The following CTNNA2 variants were observed in gnomAD, a reference collection of about 807,000 sequenced individuals.
CTNNA2 encodes catenin alpha 2.
A neutral mutation model predicts 101.0 loss-of-function variants in CTNNA2; 42 were observed. That is an observed-to-expected ratio of 0.42 (90% CI 0.32 to 0.54). CTNNA2 has a LOEUF of 0.54. CTNNA2 is among the 20% of genes least tolerant of loss of function. The pLI is 0.14. For synonymous variants in CTNNA2, 450 were observed against 456.4 expected, an observed-to-expected ratio of 0.99 and a Z score of 0.18; for missense variants, 871 against 1,223.1, an observed-to-expected ratio of 0.71 and a Z score of 4.29.
intron 7 of CTNNA2, among the ~76,000 whole-genome samples, chr2:80,213,828 A>C (rs1026631883): frequency 6.6e-6 from 1 of 152,148 alleles, no homozygotes; most frequent in African/African-American, 2.4e-5. Context: ...AAAGTCTCCC[A>C]TTATTATTAT....
intron 2 of CTNNA2, among the ~76,000 whole-genome samples, chr2:79,724,370 A>G (rs977696040): frequency 3.3e-5 from 5 of 151,820 alleles, no homozygotes; most frequent in East Asian, 1.9e-4. Flanking sequence ...ATTCCAGGAG[A>G]TGTGTTCATT....
chr2:79,286,014 T>C (rs1675566197), intron 2 of CTNNA2, among the ~76,000 whole-genome samples: 1 of 150,534 alleles, frequency 6.6e-6, no homozygotes, highest in Admixed American at 6.6e-5. Context: ...TGTAATGGCC[T>C]TCTTTGTCTC....
chr2:80,403,828 A>G (rs1678805912), intron 8 of CTNNA2, among the ~76,000 whole-genome samples: 1 of 152,178 alleles, frequency 6.6e-6, no homozygotes, highest in African/African-American at 2.4e-5. Flanking sequence ...AGGGATGTTG[A>G]ATTTTGTCGA....
At chr2:79,999,609 TAAAC>T (rs767625092) in intron 7 of CTNNA2, among the ~76,000 whole-genome samples, 52 of 152,312 alleles carry the variant, frequency 3.4e-4, no homozygotes, top group Non-Finnish European at 5.4e-4. Flanking sequence ...TTTAATTCTG[TAAAC>T]AAACCTGTGC....
intron 17 of CTNNA2, 41 bp from the exon 18 acceptor site, chr2:80,619,044 C>G: frequency 6.4e-5 from 73 of 1,147,920 alleles, no homozygotes; most frequent in Middle Eastern, 2.9e-4. Flanking sequence ...TTCTTTTGCT[C>G]TCTCTCTCAT....
At chr2:79,261,694 G>T (rs929299737) in intron 2 of CTNNA2, among the ~76,000 whole-genome samples, 5 of 152,144 alleles carry the variant, frequency 3.3e-5, no homozygotes, top group African/African-American at 9.7e-5. Flanking sequence ...TTGGATTAGG[G>T]CCCCATCCTT....
At chr2:80,187,777 T>G (rs766636547) in intron 7 of CTNNA2, among the ~76,000 whole-genome samples, 8 of 152,126 alleles carry the variant, frequency 5.3e-5, no homozygotes, top group Non-Finnish European at 1.2e-4. Flanking sequence ...CTCTCAATTT[T>G]TAAAACCTTG....
chr2:79,450,339 G>C (rs567649160), intron 4 of CTNNA2, among the ~76,000 whole-genome samples: 1 of 152,084 alleles, frequency 6.6e-6, no homozygotes, highest in East Asian at 1.9e-4. Flanking sequence ...CAAAAGGGCT[G>C]CTCTGCATCC....
intron 7 of CTNNA2, among the ~76,000 whole-genome samples, chr2:79,914,355 T>C (rs768873991): frequency 1.6e-4 from 25 of 152,242 alleles, no homozygotes; most frequent in South Asian, 6.2e-4. Flanking sequence ...TTCTAAGTAT[T>C]AAACTGTAAT....
At chr2:79,982,337 A>C (rs1470862985) in intron 7 of CTNNA2, among the ~76,000 whole-genome samples, 3 of 123,292 alleles carry the variant, frequency 2.4e-5, no homozygotes, top group South Asian at 2.6e-4. Context: ...ACACATATAA[A>C]ACATATATAA....
At chr2:80,008,317 G>T (rs1274961343) in intron 7 of CTNNA2, among the ~76,000 whole-genome samples, 1 of 152,168 alleles carries the variant, frequency 6.6e-6, no homozygotes, top group Non-Finnish European at 1.5e-5. Context: ...TCTTAAGGAG[G>T]ATTTGGGAGG....
At chr2:80,093,175 C>G (rs1313826081) in intron 7 of CTNNA2, among the ~76,000 whole-genome samples, 1 of 151,924 alleles carries the variant, frequency 6.6e-6, no homozygotes, top group Non-Finnish European at 1.5e-5. Flanking sequence ...CCACAACAGT[C>G]CCTGGTGTGT....
intron 7 of CTNNA2, chr2:80,163,172 A>G (rs1704439572): frequency 7.0e-7 from 1 of 1,421,894 alleles, no homozygotes; most frequent in Non-Finnish European, 9.9e-7. Flanking sequence ...CTCGAAAAGG[A>G]GCTCCTCGGT....
At chr2:79,898,474 T>A (rs1684862309) in intron 6 of CTNNA2, among the ~76,000 whole-genome samples, 1 of 151,944 alleles carries the variant, frequency 6.6e-6, no homozygotes, top group Non-Finnish European at 1.5e-5. Flanking sequence ...TCAACATAGG[T>A]TCCCAAGAGA....
chr2:80,119,490 T>G (rs1216582900), intron 7 of CTNNA2, among the ~76,000 whole-genome samples: 4 of 152,200 alleles, frequency 2.6e-5, no homozygotes, highest in Non-Finnish European at 5.9e-5. Flanking sequence ...ACTAATGATG[T>G]CCATCATTAG....
At chr2:79,546,808 T>G (rs1009300509) in intron 1 of CTNNA2, among the ~76,000 whole-genome samples, 1 of 152,196 alleles carries the variant, frequency 6.6e-6, no homozygotes, top group Non-Finnish European at 1.5e-5. Context: ...CATATTTTAG[T>G]CTTCTCAGCA....
intron 4 of CTNNA2, among the ~76,000 whole-genome samples, chr2:79,469,243 A>G (rs1670972234): frequency 6.6e-6 from 1 of 152,230 alleles, no homozygotes; most frequent in African/African-American, 2.4e-5. Context: ...AGAGAATACT[A>G]TAAACACCTC....
chr2:80,041,254 G>A (rs1371512501), intron 7 of CTNNA2, among the ~76,000 whole-genome samples: 1 of 151,638 alleles, frequency 6.6e-6, no homozygotes, highest in Non-Finnish European at 1.5e-5. Flanking sequence ...TAGGAAAGGA[G>A]GCAGAGTAAT....
At chr2:79,803,294 C>T (rs926787362) in intron 3 of CTNNA2, among the ~76,000 whole-genome samples, 4 of 152,188 alleles carry the variant, frequency 2.6e-5, no homozygotes, top group African/African-American at 9.6e-5. Context: ...GATACACACA[C>T]AGAAATATAG....
Sources: gnomAD v4.1 joint callset for allele counts (sites outside exome capture counted in the v4.1 genomes callset) on GRCh38, gnomAD v4.1.1 for gene constraint, MANE v1.5 for transcripts, NCBI Gene and HGNC (gene_info 2026-07-23, HGNC 2026-07-21) for gene names.